The following TULP3 variants were observed in gnomAD, a reference collection of about 807,000 sequenced individuals.
TULP3 encodes TUB like protein 3.
A neutral mutation model predicts 50.7 loss-of-function variants in TULP3; 38 were observed. That is an observed-to-expected ratio of 0.75 (90% confidence interval 0.58 to 0.98). The LOEUF (loss-of-function observed/expected upper bound fraction) is 0.98, where lower values mean the gene tolerates loss of function less well. TULP3 is among the 50% of genes least tolerant of loss of function. The pLI is 0.00. For missense variants in TULP3, 550 were observed against 568.0 expected, an observed-to-expected ratio of 0.97 and a Z score of 0.32; for synonymous variants, 183 against 196.6, an observed-to-expected ratio of 0.93 and a Z score of 0.58.
Position 2,938,262 on chromosome 12 carries a change from T to C in TULP3, c.1172T>C (p.Phe391Ser), listed in dbSNP as rs756583357. The C allele has an allele frequency of 6.2e-7, 1 of 1,613,932 alleles. No individual in the cohort carries two copies. The highest frequency in any genetic ancestry group is 1.3e-5 in the African/African-American group (1 of 74,910). Reference sequence around the variant, plus strand: ...GTCACTCAGGCGTCTGTGAAGAACTTCCAGATAGTCCACAAAAATGACCGT... The same window carrying C: ...GTCACTCAGGCGTCTGTGAAGAACTCCCAGATAGTCCACAAAAATGACCGT... The part of the protein sequence containing the change: ...GRVTQASVKN[F>S]QIVHKNDPDY... The change falls in exon 10 of 11, where the codon TTC becomes TCC. Residue 391 changes from phenylalanine to serine, a missense_variant. By Grantham distance (155) the Phe-to-Ser change is radical. Transcript: ENST00000448120.
chr12:2,931,124 A>G lies in TULP3; in HGVS notation c.580A>G (p.Ser194Gly). ...DIDDLEDFVYSPAPQGVTVRC... is the reference protein window; with the variant it reads ...DIDDLEDFVYGPAPQGVTVRC... Reference sequence around the variant, plus strand: ...AGACGACCTGGAGGACTTTGTGTATAGTCCTGCCCCTCAAGGTGTCACAGT... The same window carrying G: ...AGACGACCTGGAGGACTTTGTGTATGGTCCTGCCCCTCAAGGTGTCACAGT... The change falls in exon 6 of 11, where the codon AGT becomes GGT. Residue 194 changes from serine (S) to glycine (G), a missense_variant. By Grantham distance (56) the Ser-to-Gly change is moderately conservative. Transcript: ENST00000448120. The G allele has an allele frequency of 6.2e-7, 1 of 1,614,206 alleles. No individual in the cohort carries two copies. Among genetic ancestry groups the G allele is most frequent in the Non-Finnish European group, 8.5e-7 (1 of 1,180,050 alleles).
At chr12:2,916,292 G>GC (rs2098188662) in intron 2 of TULP3, among the ~76,000 whole-genome samples, 1 of 152,200 alleles carries the variant, frequency 6.6e-6, no homozygotes, top group African/African-American at 2.4e-5. Context: ...ATGAGCCACT[G>GC]CGCCGGTCAG....
At chr12:2,902,198 TTATCAC>T (rs2098179673) in intron 1 of TULP3, among the ~76,000 whole-genome samples, 1 of 152,212 alleles carries the variant, frequency 6.6e-6, no homozygotes, top group Non-Finnish European at 1.5e-5. Flanking sequence ...GTTGTCCTCT[TTATCAC>T]TGCACACTGG....
intron 4 of TULP3, among the ~76,000 whole-genome samples, chr12:2,926,539 A>G (rs547930278): frequency 2.0e-4 from 31 of 152,338 alleles, no homozygotes; most frequent in African/African-American, 7.0e-4. Context: ...TCCTTTGCAA[A>G]GCAAATAATT....
In TULP3 at chr12:2,933,421, T is replaced by G; in HGVS notation, c.700T>G (p.Phe234Val). ...CTGACACTTTTTCTTTTCCCAGATA[T>G]TTCTTCTTGCAGCTAGAAAGCGGAA... ...YLEKEENQKI[F>V]LLAARKRKKS... Residue 234 changes from phenylalanine (F) to valine (V), a missense_variant, in exon 7 of 11, where the codon TTT becomes GTT. Phe to Val is a conservative substitution (Grantham distance 50, BLOSUM62 -1). Transcript: ENST00000448120. 6.2e-7 allele frequency: 1 copy of G among 1,609,640 alleles called. No homozygotes were observed. Among genetic ancestry groups the G allele is most frequent in the Non-Finnish European group, 8.5e-7 (1 of 1,176,068 alleles).
chr12:2,909,919 CG>C (rs1185415991), intron 2 of TULP3, among the ~76,000 whole-genome samples: 1 of 152,198 alleles, frequency 6.6e-6, no homozygotes, highest in Non-Finnish European at 1.5e-5. Context: ...TACCTCTCTA[CG>C]ATGTCATTTC....
At position 2,890,974 on chromosome 12, in the gene TULP3, T is replaced by A. The variant is rs2098171474; in HGVS notation, c.27T>A (p.Ser9Arg). 6.3e-7 allele frequency: 1 copy of A among 1,594,560 alleles called. No homozygotes were observed. The highest frequency in any genetic ancestry group is 1.3e-5 in the African/African-American group (1 of 74,092). Residue 9 changes from serine (S) to arginine (R), a missense_variant, in exon 1 of 11, where the codon AGT becomes AGA. Transcript: ENST00000448120. MEASRCRLSPSGDSVFHEE... is the reference protein window; with the variant it reads MEASRCRLRPSGDSVFHEE... ...TGGAGGCTTCGCGCTGCCGGCTCAG[T>A]CCCAGCGGCGACAGGTCAGACAGGG...
At chr12:2,908,820 T>A (rs1268790704) in intron 1 of TULP3, among the ~76,000 whole-genome samples, 2 of 151,068 alleles carry the variant, frequency 1.3e-5, no homozygotes, top group Non-Finnish European at 2.9e-5. Context: ...CAAATCTGTC[T>A]CTCAGTGGCA....
In TULP3 at chr12:2,932,943, A is replaced by ATT. The variant is rs202247754; in HGVS notation, c.697-470_697-469dup. Among the ~76,000 whole-genome samples the ATT allele has an allele frequency of 9.4e-5, 14 of 149,492 alleles. 1 individual carries two copies. Among genetic ancestry groups the ATT allele is most frequent in the Non-Finnish European group, 1.6e-4 (11 of 67,196 alleles). ...CCTGATAGTGAATTATTTTATTTTT[A>ATT]TTTTTTATTTTTTTTTTGAGACAGA... On this transcript the variant is annotated intron_variant, in intron 6 of 10. Coordinates refer to ENST00000448120, the MANE Select transcript of TULP3 (RefSeq NM_003324.5).
intron 10 of TULP3, 49 bp downstream of exon 10, chr12:2,938,334 A>G: frequency 1.3e-6 from 2 of 1,579,622 alleles, no homozygotes; most frequent in Non-Finnish European, 1.7e-6. Context: ...AGATGCTCTT[A>G]CAGGATGGGA....
chr12:2,935,028 G>A (rs1322006927), intron 8 of TULP3, among the ~76,000 whole-genome samples: 1 of 151,852 alleles, frequency 6.6e-6, no homozygotes, highest in Non-Finnish European at 1.5e-5. Flanking sequence ...ACCCGGGAAA[G>A]GCTTGAGAAC....
chr12:2,931,843 G>A (rs1240235927), intron 6 of TULP3, among the ~76,000 whole-genome samples: 1 of 152,066 alleles, frequency 6.6e-6, no homozygotes, highest in Non-Finnish European at 1.5e-5. Context: ...CCAAGCATAT[G>A]CATATATATC....
intron 2 of TULP3, among the ~76,000 whole-genome samples, chr12:2,915,837 C>T (rs1052995523): frequency 2.0e-5 from 3 of 151,818 alleles, no homozygotes; most frequent in South Asian, 2.1e-4. Context: ...AGCCACCGTG[C>T]CCGGCCGAGA....
At chr12:2,897,446 A>G (rs758639094) in intron 1 of TULP3, among the ~76,000 whole-genome samples, 2 of 152,148 alleles carry the variant, frequency 1.3e-5, no homozygotes, top group South Asian at 4.1e-4. Flanking sequence ...TAACACATTC[A>G]TTTGTAGTAT....
intron 1 of TULP3, among the ~76,000 whole-genome samples, chr12:2,900,787 G>A (rs554637735): frequency 9.3e-5 from 14 of 150,626 alleles, no homozygotes; most frequent in African/African-American, 2.7e-4. Flanking sequence ...GCGGTGTGAC[G>A]ATAGCTCAAC....
intron 7 of TULP3, 111 bp from the exon 8 acceptor site, chr12:2,934,335 AT>A: frequency 1.6e-6 from 1 of 617,038 alleles, no homozygotes; most frequent in Non-Finnish European, 2.7e-6. Context: ...GATGATGAAC[AT>A]TGAGACATTT....
chr12:2,914,760 G>A (rs945067835), intron 2 of TULP3, among the ~76,000 whole-genome samples: 3 of 151,718 alleles, frequency 2.0e-5, no homozygotes, highest in African/African-American at 4.8e-5. Context: ...AGCCTCCAGA[G>A]TAGCTGGGAT....
At position 2,940,338 on chromosome 12, in the gene TULP3, A is replaced by AG. The variant is rs1189321859; in HGVS notation, c.*896dup. On this transcript the variant is annotated 3_prime_UTR_variant, in exon 11 of 11. Coordinates refer to ENST00000448120, the MANE Select transcript of TULP3 (RefSeq NM_003324.5). ...AGTTTAGTTAAAAAAAAAAAAAAAA[A>AG]GGTGGCAGGAGAGGCTTTGGGGAGG... The AG allele has an allele frequency of 4.3e-6, 6 of 1,380,866 alleles. No homozygotes were observed. Among genetic ancestry groups the AG allele is most frequent in the Admixed American group, 5.3e-5 (2 of 38,016 alleles). 85.5% of individuals were successfully genotyped at this position (1,380,866 alleles called of 1,614,324 possible).
At chr12:2,914,129 T>TTTA (rs1203800821) in intron 2 of TULP3, among the ~76,000 whole-genome samples, 1 of 150,300 alleles carries the variant, frequency 6.7e-6, no homozygotes, top group Non-Finnish European at 1.5e-5. Flanking sequence ...ATAATTCTTT[T>TTTA]TTTTTTTTTT....
Sources: gnomAD v4.1 joint callset for allele counts (sites outside exome capture counted in the v4.1 genomes callset) on GRCh38, gnomAD v4.1.1 for gene constraint, MANE v1.5 for transcripts, NCBI Gene and HGNC (gene_info 2026-07-23, HGNC 2026-07-21) for gene names.